RBFOX1: variants seen among roughly 807,000 people sequenced by gnomAD.
RBFOX1 encodes the protein RNA binding fox-1 homolog 1.
RBFOX1 carries 8 observed loss-of-function variants against 57.7 expected under a neutral mutation model. The ratio of observed to expected loss-of-function variants is 0.14; its 90% CI spans 0.08 to 0.25. RBFOX1 has a LOEUF of 0.25. Among genes scored for constraint, RBFOX1 ranks in the 10% least tolerant of loss-of-function variants. The pLI, the probability that RBFOX1 is intolerant of heterozygous loss-of-function variation, is 1.00. For synonymous variants in RBFOX1, 326 were observed against 222.4 expected, an observed-to-expected ratio of 1.47 and a Z score of -4.15; for missense variants, 611 against 548.5, an observed-to-expected ratio of 1.11 and a Z score of -1.14.
intron 1 of RBFOX1, among the ~76,000 whole-genome samples, chr16:6,196,990 T>G (rs948956066): frequency 7.2e-5 from 11 of 152,160 alleles, no homozygotes; most frequent in Non-Finnish European, 1.5e-4. Context: ...AATGTGTGTA[T>G]TAGAGTGGAA....
rs372036803 is a variant in RBFOX1 at position 6,786,255 on chromosome 16, T to G, written c.-16+131605T>G. Among the ~76,000 whole-genome samples the G allele has an allele frequency of 3.3e-5, 5 of 152,158 alleles. No individual in the cohort carries two copies. The East Asian group carries it at 5.8e-4, about 18-fold the overall frequency. On this transcript the variant is annotated intron_variant, in intron 3 of 15. Transcript: ENST00000550418. ...AACTGGACCCTCACAAGTATGGGCCTGGCCAGGAGACGGGGCTTTTTGGCT... is the reference window on the plus strand; with the variant it reads ...AACTGGACCCTCACAAGTATGGGCCGGGCCAGGAGACGGGGCTTTTTGGCT...
At position 6,869,822 on chromosome 16, in the gene RBFOX1, C is replaced by T. The variant is rs76702201; in HGVS notation, c.-15-182235C>T. Reference sequence around the variant, plus strand: ...TTAATTCTGGTTGGTTTTGAAGACACATGAGCTGACTGCTTCACGGGAATC... The same window carrying T: ...TTAATTCTGGTTGGTTTTGAAGACATATGAGCTGACTGCTTCACGGGAATC... On this transcript the variant is annotated intron_variant, in intron 3 of 15. Transcript: ENST00000550418. 5.7e-3 allele frequency among the ~76,000 whole-genome samples: 872 copies of T among 152,214 alleles called. 12 individuals carry two copies. Among genetic ancestry groups the T allele is most frequent in the African/African-American group, 0.02 (821 of 41,538 alleles).
At chr16:7,112,201 TAGTC>T (rs2064923946) in intron 4 of RBFOX1, among the ~76,000 whole-genome samples, 1 of 152,178 alleles carries the variant, frequency 6.6e-6, no homozygotes, top group African/African-American at 2.4e-5. Context: ...ATCTTGTACA[TAGTC>T]AGCAAACCAA....
At chr16:6,173,724 C>G (rs1040502311) in intron 1 of RBFOX1, among the ~76,000 whole-genome samples, 8 of 151,612 alleles carry the variant, frequency 5.3e-5, no homozygotes, top group African/African-American at 1.9e-4. Context: ...ATTCTCCCGC[C>G]TGAACCTCCA....
At chr16:7,432,679 A>G (rs1321553605) in intron 4 of RBFOX1, among the ~76,000 whole-genome samples, 1 of 152,214 alleles carries the variant, frequency 6.6e-6, no homozygotes, top group Non-Finnish European at 1.5e-5. Flanking sequence ...AACTTTATTT[A>G]CCAAAACAGA....
chr16:6,340,074 T>A (rs2084328561), intron 2 of RBFOX1, among the ~76,000 whole-genome samples: 1 of 152,308 alleles, frequency 6.6e-6, no homozygotes, highest in East Asian at 1.9e-4. Flanking sequence ...ATCTAGTGAC[T>A]TTCAGTTAGA....
At chr16:5,678,939 A>G (rs147339379) in intron 3 of RBFOX1, among the ~76,000 whole-genome samples, 2 of 152,332 alleles carry the variant, frequency 1.3e-5, no homozygotes, top group Non-Finnish European at 2.9e-5. Flanking sequence ...GGTAATGCGG[A>G]GGATGTAGGT....
In RBFOX1 at chr16:5,942,649, G is replaced by T. The variant is rs536437296; in HGVS notation, c.351+75314G>T. 5.3e-5 allele frequency among the ~76,000 whole-genome samples: 8 copies of T among 152,196 alleles called. No individual in the cohort carries two copies. The East Asian group carries it at 1.5e-3, about 29-fold the overall frequency. On this transcript the variant is annotated intron_variant, in intron 4 of 19. Coordinates refer to the RBFOX1 transcript ENST00000641259. ...ACAGAGGCAGTTTAGTTTTGATAAG[G>T]TCTATTATGTTTTAAAATACAAACT... is the stretch of plus-strand genomic sequence containing the variant.
At chr16:7,122,952 A>G (rs1218140566) in intron 4 of RBFOX1, among the ~76,000 whole-genome samples, 8 of 152,112 alleles carry the variant, frequency 5.3e-5, no homozygotes, top group Non-Finnish European at 1.2e-4. Context: ...GTCTCAAACG[A>G]TGACATAGTG....
At chr16:6,892,103 C>G (rs530100665) in intron 3 of RBFOX1, among the ~76,000 whole-genome samples, 1 of 152,138 alleles carries the variant, frequency 6.6e-6, no homozygotes, top group Non-Finnish European at 1.5e-5. Context: ...CTTTACAGCA[C>G]GTTGACTCTT....
intron 4 of RBFOX1, among the ~76,000 whole-genome samples, chr16:7,119,078 C>A (rs1328286997): frequency 6.6e-6 from 1 of 152,060 alleles, no homozygotes; most frequent in Non-Finnish European, 1.5e-5. Flanking sequence ...AAAACCCAGT[C>A]AGTAAAAGTA....
chr16:7,454,460 C>T (rs530102486), intron 4 of RBFOX1, among the ~76,000 whole-genome samples: 97 of 152,210 alleles, frequency 6.4e-4, no homozygotes, highest in Non-Finnish European at 1.0e-3. Context: ...ACCCTGTTTT[C>T]CATCATATGT....
intron 1 of RBFOX1, among the ~76,000 whole-genome samples, chr16:5,340,855 G>A (rs529041608): frequency 3.9e-5 from 6 of 152,310 alleles, no homozygotes; most frequent in African/African-American, 1.4e-4. Flanking sequence ...AAGTCCTACA[G>A]TTCCAGACAG....
intron 3 of RBFOX1, among the ~76,000 whole-genome samples, chr16:5,607,671 C>G (rs1291727080): frequency 6.6e-6 from 1 of 152,164 alleles, no homozygotes; most frequent in African/African-American, 2.4e-5. Flanking sequence ...TTGATGTAAA[C>G]TGTCCCAGAA....
At chr16:6,507,505 T>TAAAAAA (rs1491382056) in intron 2 of RBFOX1, among the ~76,000 whole-genome samples, 1 of 5,356 alleles carries the variant, frequency 1.9e-4, no homozygotes, top group Non-Finnish European at 6.0e-4. Flanking sequence ...ACCCTATCTG[T>TAAAAAA]ACAAAAAAAA....
chr16:5,585,930 G>A (rs2046815286), intron 2 of RBFOX1, among the ~76,000 whole-genome samples: 1 of 152,094 alleles, frequency 6.6e-6, no homozygotes, highest in African/African-American at 2.4e-5. Context: ...TGGAACCTGT[G>A]AATATGATCT....
intron 3 of RBFOX1, among the ~76,000 whole-genome samples, chr16:6,846,229 G>C (rs748689124): frequency 6.6e-6 from 1 of 152,180 alleles, no homozygotes; most frequent in African/African-American, 2.4e-5. Flanking sequence ...CATGTTTTCA[G>C]TCTGTGTGAT....
chr16:7,069,033 G>A (rs560287886), intron 4 of RBFOX1, among the ~76,000 whole-genome samples: 9 of 152,318 alleles, frequency 5.9e-5, no homozygotes, highest in Middle Eastern at 6.8e-3. Context: ...ACACATGAAT[G>A]AATGAGTGAA....
At chr16:5,428,468 G>A (rs1210927943) in intron 1 of RBFOX1, among the ~76,000 whole-genome samples, 1 of 152,158 alleles carries the variant, frequency 6.6e-6, no homozygotes, top group African/African-American at 2.4e-5. Flanking sequence ...ATTGCAGTGT[G>A]GCTGAGAGAT....
Sources: allele counts gnomAD v4.1 joint callset (sites outside exome capture counted in the v4.1 genomes callset), GRCh38; gene constraint gnomAD v4.1.1; transcripts MANE v1.5; gene names NCBI Gene and HGNC (gene_info 2026-07-23, HGNC 2026-07-21).